Variants in COLEC11 observed in about 807,000 individuals in gnomAD.
COLEC11 encodes collectin subfamily member 11.
A neutral mutation model predicts 27.3 loss-of-function variants in COLEC11; 20 were observed. That is an observed-to-expected ratio of 0.73 (90% CI 0.51 to 1.06). The LOEUF (loss-of-function observed/expected upper bound fraction) is 1.06. Ranked by LOEUF, COLEC11 falls within the 50% of genes least tolerant of loss-of-function variation. COLEC11 has a pLI of 0.00. For synonymous variants in COLEC11, 163 were observed against 154.7 expected, an observed-to-expected ratio of 1.05 and a Z score of -0.40; for missense variants, 310 against 383.0, an observed-to-expected ratio of 0.81 and a Z score of 1.59.
At chr2:3,629,932 G>A (rs1171211557) in intron 3 of COLEC11, among the ~76,000 whole-genome samples, 1 of 152,278 alleles carries the variant, frequency 6.6e-6, no homozygotes, top group Middle Eastern at 3.4e-3. Flanking sequence ...ATGTTTATAT[G>A]TACATATATA....
chr2:3,597,998 T>A (rs1328720597), intron 1 of COLEC11, among the ~76,000 whole-genome samples: 1 of 152,144 alleles, frequency 6.6e-6, no homozygotes, highest in Non-Finnish European at 1.5e-5. Flanking sequence ...GGCAGTGGTG[T>A]GATCTCGACT....
chr2:3,635,736 G>T (rs1257458285), intron 3 of COLEC11, among the ~76,000 whole-genome samples: 2 of 152,176 alleles, frequency 1.3e-5, no homozygotes, highest in African/African-American at 4.8e-5. Context: ...GTGCCATTAG[G>T]ATCTCCCTCT....
intron 3 of COLEC11, among the ~76,000 whole-genome samples, chr2:3,629,816 A>G (rs929350046): frequency 1.3e-5 from 2 of 152,200 alleles, no homozygotes; most frequent in African/African-American, 4.8e-5. Context: ...CTGAATTCCA[A>G]GTGCTCTTAC....
chr2:3,640,405 A>G, intron 5 of COLEC11, 74 bp downstream of exon 5: 1 of 848,532 alleles, frequency 1.2e-6, no homozygotes, highest in Non-Finnish European at 2.0e-6. Context: ...ATGTAGATCT[A>G]CACCATGTAG....
intron 1 of COLEC11, chr2:3,603,492 T>G: frequency 1.5e-6 from 1 of 675,144 alleles, no homozygotes; most frequent in Non-Finnish European, 2.6e-6. Context: ...AATTTTTGTA[T>G]TTTTAGAAGA....
intron 1 of COLEC11, among the ~76,000 whole-genome samples, chr2:3,597,731 C>T (rs963341068): frequency 2.0e-5 from 3 of 151,232 alleles, no homozygotes; most frequent in African/African-American, 2.4e-5. Context: ...AAGTGAGGTT[C>T]GACTTGCGTA....
At chr2:3,597,761 G>A (rs972718606) in intron 1 of COLEC11, among the ~76,000 whole-genome samples, 4 of 151,950 alleles carry the variant, frequency 2.6e-5, no homozygotes, top group Non-Finnish European at 5.9e-5. Context: ...TGGGGAGGAA[G>A]AGTTTACTAT....
intron 3 of COLEC11, chr2:3,617,735 T>G (rs1572424686): frequency 2.1e-6 from 3 of 1,419,466 alleles, no homozygotes; most frequent in Admixed American, 1.7e-5. Context: ...AAGTCTGGTC[T>G]GCGCAGTGGC....
rs1451500163 is a variant in COLEC11, at chr2:3,638,990, G to A, written c.275-1288G>A. Among the ~76,000 whole-genome samples, 4 of 152,104 alleles carry A rather than the reference G, an allele frequency of 2.6e-5. No homozygotes were observed. The East Asian group carries it at 7.7e-4, about 29-fold the overall frequency. On this transcript the variant is annotated intron_variant, in intron 4 of 6. Transcript: ENST00000349077. ...CCCCATTCCTCCTCCCCCAGCCCCG[G>A]TAACCTCCAATCTACTTCCTGTCTC...
At chr2:3,635,046 T>C (rs1197696273) in intron 3 of COLEC11, among the ~76,000 whole-genome samples, 2 of 141,132 alleles carry the variant, frequency 1.4e-5, no homozygotes, top group African/African-American at 5.1e-5. Context: ...GGTGCCCTCC[T>C]GGCCCTTGTC....
At chr2:3,642,953 T>C (rs186275316) in intron 5 of COLEC11, among the ~76,000 whole-genome samples, 1 of 152,294 alleles carries the variant, frequency 6.6e-6, no homozygotes, top group African/African-American at 2.4e-5. Context: ...ACCTGAGTGT[T>C]GGCAGATTCC....
At chr2:3,642,095 G>T (rs1260403411) in intron 5 of COLEC11, among the ~76,000 whole-genome samples, 4 of 152,246 alleles carry the variant, frequency 2.6e-5, no homozygotes, top group African/African-American at 9.6e-5. Context: ...GGAGGGCGGA[G>T]TGTAGCTCAG....
intron 3 of COLEC11, among the ~76,000 whole-genome samples, chr2:3,627,388 G>T (rs1470539105): frequency 6.7e-6 from 1 of 149,630 alleles, no homozygotes; most frequent in Non-Finnish European, 1.5e-5. Flanking sequence ...TGGTGATGCT[G>T]GGCACAACGC....
At chr2:3,612,400 C>T (rs72769323) in intron 2 of COLEC11, among the ~76,000 whole-genome samples, 2 of 152,154 alleles carry the variant, frequency 1.3e-5, no homozygotes, top group East Asian at 3.9e-4. Flanking sequence ...TGAGAGAATC[C>T]GGAAGAGCCT....
intron 2 of COLEC11, among the ~76,000 whole-genome samples, chr2:3,605,493 G>A (rs9751215): frequency 1.4e-3 from 30 of 21,878 alleles, no homozygotes; most frequent in Middle Eastern, 0.02. Context: ...GAGGGGGAGG[G>A]GCGGCCACGT....
chr2:3,606,910 C>T (rs776348818), intron 2 of COLEC11, among the ~76,000 whole-genome samples: 1 of 152,232 alleles, frequency 6.6e-6, no homozygotes, highest in Non-Finnish European at 1.5e-5. Context: ...TCTAAGGAAA[C>T]AGACACACAC....
At chr2:3,634,223 A>T (rs1483943085) in intron 3 of COLEC11, among the ~76,000 whole-genome samples, 5 of 152,130 alleles carry the variant, frequency 3.3e-5, no homozygotes, top group Non-Finnish European at 7.4e-5. Context: ...GAACCAAGAC[A>T]CTCCAGGGTA....
intron 3 of COLEC11, 83 bp from the exon 4 acceptor site, chr2:3,637,450 G>A (rs1665506479): frequency 1.1e-5 from 11 of 1,004,948 alleles, no homozygotes; most frequent in East Asian, 9.5e-5. Flanking sequence ...GAGGGCGGTC[G>A]GGTTATCCGT....
intron 4 of COLEC11, among the ~76,000 whole-genome samples, chr2:3,639,614 C>T (rs2147961409): frequency 6.6e-6 from 1 of 152,360 alleles, no homozygotes; most frequent in East Asian, 1.9e-4. Context: ...TATTAAGTCA[C>T]ATGACTTAAT....
Sources: allele counts gnomAD v4.1 joint callset (sites outside exome capture counted in the v4.1 genomes callset), GRCh38; gene constraint gnomAD v4.1.1; transcripts MANE v1.5; gene names NCBI Gene and HGNC (gene_info 2026-07-23, HGNC 2026-07-21).